Variants in KIRREL3 observed in about 807,000 individuals in gnomAD.
KIRREL3 encodes the protein kin of IRRE-like protein 3.
Under a neutral mutation model 89.7 loss-of-function variants are expected in KIRREL3, and 36 were observed. The observed-to-expected ratio is 0.40, with a 90% CI of 0.31 to 0.53. The LOEUF (loss-of-function observed/expected upper bound fraction) is 0.53, where lower values mean the gene tolerates loss of function less well. KIRREL3 is among the 20% of genes least tolerant of loss of function. KIRREL3 has a pLI of 0.49. For missense variants in KIRREL3, 864 were observed against 1,056.6 expected (o/e 0.82, Z 2.53); for synonymous variants, 445 against 441.4 (o/e 1.01, Z -0.10).
chr11:126,638,915 C>A (rs575340852), intron 1 of KIRREL3, among the ~76,000 whole-genome samples: 24 of 152,300 alleles, frequency 1.6e-4, no homozygotes, highest in Non-Finnish European at 7.4e-5. Flanking sequence ...TTACCTATTT[C>A]CTTTTCTAGA....
intron 6 of KIRREL3, among the ~76,000 whole-genome samples, chr11:126,460,251 C>A (rs1436927129): frequency 6.6e-6 from 1 of 152,148 alleles, no homozygotes; most frequent in African/African-American, 2.4e-5. Context: ...TGTGGGGACA[C>A]CTGATGAGGG....
rs767175855 is a variant in KIRREL3, at chr11:126,981,515, T to C, written c.55+18940A>G. 1.3e-5 allele frequency among the ~76,000 whole-genome samples: 2 copies of C among 152,214 alleles called. No individual in the cohort carries two copies. Among genetic ancestry groups the C allele is most frequent in the Non-Finnish European group, 2.9e-5 (2 of 68,044 alleles). ...AGTCACTAAGGAAGAGCTAAACACATGGTCCCTGTTTCACTGAAATGAGAT... is the reference window on the plus strand; with the variant it reads ...AGTCACTAAGGAAGAGCTAAACACACGGTCCCTGTTTCACTGAAATGAGAT... On this transcript the variant is annotated intron_variant, in intron 1 of 16. Transcript: ENST00000525144. This position sits in a 1 kb window ranked among gnomAD's most constrained non-coding sequence, Gnocchi z 4.2.
chr11:126,942,800 G>A (rs950776064), intron 1 of KIRREL3, among the ~76,000 whole-genome samples: 11 of 152,256 alleles, frequency 7.2e-5, no homozygotes, highest in African/African-American at 2.2e-4. Context: ...GGAGCTTGCC[G>A]GGGGCAGCCA....
chr11:126,841,896 A>T (rs578205287), intron 1 of KIRREL3, among the ~76,000 whole-genome samples: 5 of 152,138 alleles, frequency 3.3e-5, no homozygotes, highest in Non-Finnish European at 7.4e-5. Flanking sequence ...GGCTTCATAC[A>T]TCGTCAAGGT....
rs1014621574 is a variant in KIRREL3, at chr11:126,983,565, T to C, written c.55+16890A>G. 5.3e-5 allele frequency among the ~76,000 whole-genome samples: 8 copies of C among 152,000 alleles called. No homozygotes were observed. The highest frequency in any genetic ancestry group is 1.3e-4 in the Admixed American group (2 of 15,256). On this transcript the variant is annotated intron_variant, in intron 1 of 16. Transcript: ENST00000525144. The surrounding 1 kb of genome is among the most constrained non-coding windows in gnomAD (Gnocchi z 4.9). The stretch of plus-strand genomic sequence containing the variant: ...GAAGCAGGTGGATCAGAGTCAGTAG[T>C]AGGTGAGGTGAAGATGGAAGCAAGA...
At chr11:126,869,608 C>T (rs1288548307) in intron 1 of KIRREL3, among the ~76,000 whole-genome samples, 1 of 152,118 alleles carries the variant, frequency 6.6e-6, no homozygotes, top group Admixed American at 6.5e-5. Context: ...GTGTCTAGAC[C>T]CAGCCCTGTC....
rs1246290997 is a variant in KIRREL3, at chr11:126,719,490, G to A, written c.56-156578C>T. Among the ~76,000 whole-genome samples the A allele has an allele frequency of 6.6e-6, 1 of 152,116 alleles. No individual in the cohort carries two copies. The highest frequency in any genetic ancestry group is 1.5e-5 in the Non-Finnish European group (1 of 68,030). On this transcript the variant is annotated intron_variant, in intron 1 of 16. Transcript: ENST00000525144. This position sits in a 1 kb window ranked among gnomAD's most constrained non-coding sequence, Gnocchi z 4.7. ...CTAGGTGATCTTACTTAGTCCCATG[G>A]CTTTCATTCCACCCGCATGCTGAAG...
rs1001625473 is a variant in KIRREL3, at chr11:126,537,300, T to A, written c.134-10613A>T. ...GACATTCTGTGAAACTCGCTGAGAG[T>A]CTTGGATGGTCACATTTGACCACAG... On this transcript the variant is annotated intron_variant, in intron 2 of 16. Transcript: ENST00000525144. This position sits in a 1 kb window ranked among gnomAD's most constrained non-coding sequence, Gnocchi z 4.3. Among the ~76,000 whole-genome samples the A allele has an allele frequency of 1.3e-5, 2 of 151,884 alleles. No homozygotes were observed. The highest frequency in any genetic ancestry group is 1.5e-5 in the Non-Finnish European group (1 of 67,964).
Position 126,877,556 on chromosome 11 carries a change from TA to T in KIRREL3, c.55+122898del, listed in dbSNP as rs1392966811. On this transcript the variant is annotated intron_variant, in intron 1 of 16. Coordinates refer to ENST00000525144, the MANE Select transcript of KIRREL3 (RefSeq NM_032531.4). The surrounding 1 kb of genome is among the most constrained non-coding windows in gnomAD (Gnocchi z 4.9). ...GTCTACCTCCAAAAATGAAATTCAT[TA>T]TATTTAGAGCTAAAATAATTCCAGA... Among the ~76,000 whole-genome samples the T allele has an allele frequency of 1.3e-5, 2 of 152,244 alleles. No homozygotes were observed. Among genetic ancestry groups the T allele is most frequent in the African/African-American group, 4.8e-5 (2 of 41,466 alleles).
chr11:126,589,854 TGGGG>T (rs1276961281), intron 1 of KIRREL3, among the ~76,000 whole-genome samples: 1 of 152,188 alleles, frequency 6.6e-6, no homozygotes, highest in Admixed American at 6.5e-5. Context: ...CCCTGCCTCC[TGGGG>T]CTGGGGCTGG....
At chr11:126,692,206 C>G (rs139141155) in intron 1 of KIRREL3, among the ~76,000 whole-genome samples, 1 of 152,042 alleles carries the variant, frequency 6.6e-6, no homozygotes, top group Non-Finnish European at 1.5e-5. Context: ...GGTGTCGATT[C>G]GCACACCCAC....
rs4937151 is a variant in KIRREL3 at position 126,565,833 on chromosome 11, A to G, written c.56-2921T>C. ...GCTACTAACCACAGAGAGAACCAGG[A>G]GGAAGCAGGAGGCAATTGCTTTGGC... On this transcript the variant is annotated intron_variant, in intron 1 of 16. Coordinates refer to ENST00000525144, the MANE Select transcript of KIRREL3 (RefSeq NM_032531.4). The surrounding 1 kb of genome is among the most constrained non-coding windows in gnomAD (Gnocchi z 5.4). Among the ~76,000 whole-genome samples the G allele has an allele frequency of 0.3, 44,929 of 151,846 alleles. 6,942 individuals are homozygous for G. The highest frequency in any genetic ancestry group is 0.54 in the East Asian group (2,787 of 5,134).
At chr11:126,935,572 T>A (rs1310877848) in intron 1 of KIRREL3, 1 of 152,114 alleles carries the variant, frequency 6.6e-6, no homozygotes, top group East Asian at 1.9e-4. Context: ...TATTAAGCCA[T>A]AAAAGGCATA....
At chr11:126,880,887 T>C (rs1476435946) in intron 1 of KIRREL3, among the ~76,000 whole-genome samples, 1 of 152,198 alleles carries the variant, frequency 6.6e-6, no homozygotes, top group East Asian at 1.9e-4. Flanking sequence ...CCTAGGTAAA[T>C]CACAGAGCAA....
Position 126,942,992 on chromosome 11 carries a change from A to G in KIRREL3, c.55+57463T>C, listed in dbSNP as rs532597410. Among the ~76,000 whole-genome samples the G allele has an allele frequency of 1.2e-4, 18 of 152,356 alleles. No homozygotes were observed. The South Asian group carries it at 3.5e-3, about 30-fold the overall frequency. ...TCTGATTTGTCATATTAAGGAGGCT[A>G]TATGACTGTGGAGAGGAACATTAAA... On this transcript the variant is annotated intron_variant, in intron 1 of 16. Transcript: ENST00000525144.
chr11:126,659,488 G>T (rs4937174), intron 1 of KIRREL3, among the ~76,000 whole-genome samples: 46,079 of 152,144 alleles, frequency 0.3, 7,215 homozygotes, highest in East Asian at 0.39. Flanking sequence ...ACTGGTCCAA[G>T]TGTCTAGTTA....
chr11:126,628,119 A>G lies in KIRREL3; in HGVS notation c.56-65207T>C, dbSNP rs1386143906. ...CATGGTTGTAATTTGGGGCTATCAG[A>G]GAGAAGTCTTTGCTCAGACAAGACT... On this transcript the variant is annotated intron_variant, in intron 1 of 16. Coordinates refer to ENST00000525144, the MANE Select transcript of KIRREL3 (RefSeq NM_032531.4). This position sits in a 1 kb window ranked among gnomAD's most constrained non-coding sequence, Gnocchi z 5.2. 2.6e-5 allele frequency among the ~76,000 whole-genome samples: 4 copies of G among 152,262 alleles called. No individual in the cohort carries two copies. In the East Asian group the frequency reaches 7.7e-4, roughly 29 times the overall value.
chr11:126,456,283 C>T, intron 7 of KIRREL3, 66 bp downstream of exon 7: 1 of 1,078,680 alleles, frequency 9.3e-7, no homozygotes, highest in Non-Finnish European at 1.4e-6. Context: ...TAAGTGACAT[C>T]CCACGTGAGA....
At chr11:126,887,462 C>CT (rs1290857906) in intron 1 of KIRREL3, among the ~76,000 whole-genome samples, 1 of 152,152 alleles carries the variant, frequency 6.6e-6, no homozygotes, top group East Asian at 1.9e-4. Flanking sequence ...CTGTGCTGTT[C>CT]TTTTTCCAAA....
Sources: gnomAD v4.1 joint callset for allele counts (sites outside exome capture counted in the v4.1 genomes callset) on GRCh38, gnomAD v4.1.1 for gene constraint, Gnocchi (gnomAD v3.1) non-coding constraint, MANE v1.5 for transcripts, NCBI Gene and HGNC (gene_info 2026-07-23, HGNC 2026-07-21) for gene names.